ASZ1: variants seen among roughly 807,000 people sequenced by gnomAD.
ASZ1 encodes the protein ankyrin repeat, SAM and basic leucine zipper domain containing 1, also known as ankyrin repeat, SAM and basic leucine zipper domain-containing protein 1.
ASZ1 carries 67 observed loss-of-function variants against 61.8 expected under a neutral mutation model. The observed-to-expected ratio is 1.08, with a 90% confidence interval of 0.89 to 1.33. The LOEUF (loss-of-function observed/expected upper bound fraction) is 1.33, where lower values mean the gene tolerates loss of function less well. ASZ1 is among the 40% of genes most tolerant of loss of function. The pLI is 0.00. For synonymous variants in ASZ1, 193 were observed against 192.7 expected, an observed-to-expected ratio of 1.00 and a Z score of -0.01; for missense variants, 577 against 554.5, an observed-to-expected ratio of 1.04 and a Z score of -0.41.
At chr7:117,421,236 A>G (rs911071336) in intron 3 of ASZ1, among the ~76,000 whole-genome samples, 1 of 152,138 alleles carries the variant, frequency 6.6e-6, no homozygotes, top group Admixed American at 6.6e-5. Flanking sequence ...TTTTTGAGAC[A>G]GTGTCTCACT....
chr7:117,391,936 C>T (rs1050393549), intron 4 of ASZ1, among the ~76,000 whole-genome samples: 4 of 151,940 alleles, frequency 2.6e-5, no homozygotes, highest in African/African-American at 7.3e-5. Flanking sequence ...GGAGTACAGG[C>T]GTGCACCACC....
intron 4 of ASZ1, among the ~76,000 whole-genome samples, chr7:117,403,916 T>C (rs1796728042): frequency 6.6e-6 from 1 of 152,172 alleles, no homozygotes; most frequent in South Asian, 2.1e-4. Context: ...CGAACCCTAT[T>C]GTGAACTGCG....
intron 4 of ASZ1, 100 bp downstream of exon 4, chr7:117,420,063 C>CTATTTGGTT: frequency 1.3e-6 from 1 of 746,324 alleles, no homozygotes; most frequent in South Asian, 2.1e-5. Context: ...CATTCATCAA[C>CTATTTGGTT]TATTTGGCCA....
intron 4 of ASZ1, among the ~76,000 whole-genome samples, chr7:117,403,606 G>A (rs1298420871): frequency 6.6e-6 from 1 of 152,110 alleles, no homozygotes; most frequent in African/African-American, 2.4e-5. Flanking sequence ...TAGGGTCTTC[G>A]TGACAGTCTC....
chr7:117,401,589 T>C (rs1345631870), intron 4 of ASZ1, among the ~76,000 whole-genome samples: 1 of 152,112 alleles, frequency 6.6e-6, no homozygotes, highest in East Asian at 1.9e-4. Flanking sequence ...TACTGAGAAC[T>C]TACAGGGCAG....
chr7:117,380,146 G>T, intron 9 of ASZ1, 99 bp from the exon 10 acceptor site: 1 of 718,006 alleles, frequency 1.4e-6, no homozygotes, highest in Non-Finnish European at 2.3e-6. Context: ...TTCACATCTT[G>T]AAAAAATAGG....
intron 4 of ASZ1, among the ~76,000 whole-genome samples, chr7:117,409,357 G>C (rs907934987): frequency 6.6e-6 from 1 of 151,892 alleles, no homozygotes; most frequent in Non-Finnish European, 1.5e-5. Flanking sequence ...AATTCTAATA[G>C]TTAAAAGTTA....
At chr7:117,418,993 T>A (rs944168952) in intron 4 of ASZ1, among the ~76,000 whole-genome samples, 17 of 152,200 alleles carry the variant, frequency 1.1e-4, no homozygotes, top group Non-Finnish European at 1.9e-4. Context: ...GTAGTTTCTC[T>A]GCCAGTTCTT....
intron 4 of ASZ1, among the ~76,000 whole-genome samples, chr7:117,406,650 G>A (rs1562857217): frequency 1.3e-5 from 2 of 152,060 alleles, no homozygotes; most frequent in Non-Finnish European, 2.9e-5. Flanking sequence ...CAACTTGGGA[G>A]GCTGAGGTAG....
rs773571018 is a variant in ASZ1 at position 117,379,988 on chromosome 7, T to C, written c.1005A>G (p.Val335=). ...KILAALKELQ[V]EEIQFGELSE... ...ATAGCTCTCCAAATTGTATCTCTTC[T>C]ACCTGTAGTTCTTTAAGAGCAGCCA... is the stretch of plus-strand genomic sequence containing the variant. Residue 335 remains valine, a synonymous_variant, in exon 10 of 13, where the codon GTA becomes GTG. Coordinates refer to ENST00000284629, the MANE Select transcript of ASZ1 (RefSeq NM_130768.3). The C allele has an allele frequency of 6.2e-7, 1 of 1,607,888 alleles. No homozygotes were observed. Among genetic ancestry groups the C allele is most frequent in the South Asian group, 1.1e-5 (1 of 90,650 alleles).
intron 4 of ASZ1, among the ~76,000 whole-genome samples, chr7:117,417,159 G>A (rs771505791): frequency 6.6e-5 from 10 of 151,808 alleles, no homozygotes; most frequent in African/African-American, 1.2e-4. Flanking sequence ...TTCACTTCAT[G>A]AGACAAGACT....
At chr7:117,381,595 A>G (rs564388457) in intron 8 of ASZ1, among the ~76,000 whole-genome samples, 12 of 152,274 alleles carry the variant, frequency 7.9e-5, no homozygotes, top group African/African-American at 2.9e-4. Flanking sequence ...CCCATAATGT[A>G]TGCTTAAAAC....
intron 10 of ASZ1, among the ~76,000 whole-genome samples, chr7:117,371,382 T>C (rs1383779534): frequency 6.6e-6 from 1 of 152,160 alleles, no homozygotes; most frequent in East Asian, 1.9e-4. Flanking sequence ...TTATAAAATA[T>C]AAACTTTATA....
chr7:117,390,681 C>A (rs1435207711), intron 4 of ASZ1, among the ~76,000 whole-genome samples: 5 of 152,196 alleles, frequency 3.3e-5, no homozygotes, highest in Admixed American at 2.0e-4. Flanking sequence ...ATCTCTGCAG[C>A]TTCACCAACA....
chr7:117,393,156 A>T (rs1037112525), intron 4 of ASZ1, among the ~76,000 whole-genome samples: 5 of 131,088 alleles, frequency 3.8e-5, no homozygotes, highest in Non-Finnish European at 6.4e-5. Context: ...TGGGTAGCAT[A>T]AAAAAAAAAA....
chr7:117,379,146 TATATATATATATATATATATATAC>T (rs1277098246), intron 10 of ASZ1, among the ~76,000 whole-genome samples: 328 of 112,756 alleles, frequency 2.9e-3, no homozygotes, highest in Middle Eastern at 4.2e-3. Flanking sequence ...TATATATATA[TATATATATATATATATATATATAC>T]ACACACACAC....
chr7:117,380,291 T>C (rs1003495751), intron 9 of ASZ1, among the ~76,000 whole-genome samples: 2 of 151,788 alleles, frequency 1.3e-5, no homozygotes, highest in Non-Finnish European at 1.5e-5. Context: ...ACAACTATGA[T>C]GGACTCCCAA....
intron 4 of ASZ1, among the ~76,000 whole-genome samples, chr7:117,387,213 T>C (rs1438027718): frequency 6.9e-6 from 1 of 144,912 alleles, no homozygotes; most frequent in African/African-American, 2.6e-5. Context: ...ACTTCAGAGG[T>C]GGGAGAATCA....
At chr7:117,393,037 G>A (rs1320083018) in intron 4 of ASZ1, among the ~76,000 whole-genome samples, 2 of 151,770 alleles carry the variant, frequency 1.3e-5, no homozygotes, top group South Asian at 2.1e-4. Flanking sequence ...TAGTAGAGAC[G>A]GATTTCACCA....
Sources: gnomAD v4.1 joint callset for allele counts (sites outside exome capture counted in the v4.1 genomes callset) on GRCh38, gnomAD v4.1.1 for gene constraint, MANE v1.5 for transcripts, NCBI Gene and HGNC (gene_info 2026-07-23, HGNC 2026-07-21) for gene names.